The following CNTNAP2 variants were observed in gnomAD, a reference collection of about 807,000 sequenced individuals.
The protein encoded by CNTNAP2 is contactin-associated protein-like 2.
Under a neutral mutation model 155.2 loss-of-function variants are expected in CNTNAP2, and 98 were observed. The observed-to-expected ratio is 0.63, with a 90% confidence interval of 0.54 to 0.75. The LOEUF is 0.75. Ranked by LOEUF, CNTNAP2 falls within the 30% of genes least tolerant of loss-of-function variation. The probability of loss-of-function intolerance (pLI) is 0.00; values close to 1 mark genes in which losing one functional copy is unlikely to be tolerated. For missense variants in CNTNAP2, 1,727 were observed against 1,688.1 expected, an observed-to-expected ratio of 1.02 and a Z score of -0.40; for synonymous variants, 651 against 631.2, an observed-to-expected ratio of 1.03 and a Z score of -0.47.
At chr7:146,306,844 G>A (rs548299596) in intron 1 of CNTNAP2, among the ~76,000 whole-genome samples, 4 of 152,184 alleles carry the variant, frequency 2.6e-5, no homozygotes, top group African/African-American at 7.2e-5. Flanking sequence ...AATAATAAGA[G>A]CTATTTATGA....
intron 15 of CNTNAP2, among the ~76,000 whole-genome samples, chr7:148,098,971 A>G (rs1431003784): frequency 6.6e-6 from 1 of 152,228 alleles, no homozygotes; most frequent in Non-Finnish European, 1.5e-5. Flanking sequence ...TTTATTGGCC[A>G]TCTGTCCCCT....
intron 1 of CNTNAP2, among the ~76,000 whole-genome samples, chr7:146,378,156 T>C (rs1584896765): frequency 6.6e-6 from 1 of 152,190 alleles, no homozygotes; most frequent in East Asian, 1.9e-4. Context: ...AACAATGTTA[T>C]GGAGGGCAAT....
At chr7:146,305,554 T>C (rs1319411063) in intron 1 of CNTNAP2, among the ~76,000 whole-genome samples, 1 of 152,130 alleles carries the variant, frequency 6.6e-6, no homozygotes, top group Non-Finnish European at 1.5e-5. Context: ...CTCCATACCC[T>C]ATTTGCCTGG....
chr7:148,332,346 ATTC>A (rs1478167233), intron 21 of CNTNAP2, among the ~76,000 whole-genome samples: 1 of 152,116 alleles, frequency 6.6e-6, no homozygotes, highest in African/African-American at 2.4e-5. Flanking sequence ...TTCCTATTTT[ATTC>A]TTAGGATAAT....
At chr7:147,525,612 T>G (rs1331017273) in intron 11 of CNTNAP2, among the ~76,000 whole-genome samples, 1 of 152,210 alleles carries the variant, frequency 6.6e-6, no homozygotes, top group African/African-American at 2.4e-5. Flanking sequence ...TTGGATATCT[T>G]AAACCAAGTC....
intron 10 of CNTNAP2, among the ~76,000 whole-genome samples, chr7:147,443,012 A>G (rs1018821709): frequency 3.9e-5 from 6 of 152,234 alleles, no homozygotes; most frequent in Middle Eastern, 6.8e-3. Flanking sequence ...GCCACCCTGG[A>G]TAGCATCTCA....
intron 10 of CNTNAP2, among the ~76,000 whole-genome samples, chr7:147,433,956 T>C (rs890691529): frequency 2.0e-5 from 3 of 152,214 alleles, no homozygotes; most frequent in Non-Finnish European, 4.4e-5. Flanking sequence ...AAATAATACA[T>C]GCATTTTAAA....
intron 8 of CNTNAP2, among the ~76,000 whole-genome samples, chr7:147,243,829 TTTC>T (rs1324213886): frequency 6.6e-6 from 1 of 152,014 alleles, no homozygotes; most frequent in African/African-American, 2.4e-5. Context: ...ATGAACAAAG[TTTC>T]TTCTTTTTTT....
intron 1 of CNTNAP2, among the ~76,000 whole-genome samples, chr7:146,472,993 G>C (rs747757680): frequency 6.6e-6 from 1 of 150,722 alleles, no homozygotes; most frequent in Non-Finnish European, 1.5e-5. Flanking sequence ...AGAATTTGTA[G>C]ATGTTTAGAG....
rs114934336 is a variant in CNTNAP2, at chr7:148,186,842, C to T, written c.3010+14364C>T. 4.2e-3 allele frequency among the ~76,000 whole-genome samples: 647 copies of T among 152,284 alleles called. 13 individuals are homozygous for T. Among genetic ancestry groups the T allele is most frequent in the Admixed American group, 0.037 (570 of 15,302 alleles). The stretch of plus-strand genomic sequence containing the variant: ...CCCTTAAAACTAATATGCTGACACA[C>T]GGTCAGTGGTCCAATTTGCTATGGC... On this transcript the variant is annotated intron_variant, in intron 18 of 23. Transcript: ENST00000361727.
intron 3 of CNTNAP2, among the ~76,000 whole-genome samples, chr7:146,910,196 G>A (rs1254757679): frequency 7.3e-6 from 1 of 137,434 alleles, no homozygotes; most frequent in Non-Finnish European, 1.6e-5. Context: ...TCATGGGTAG[G>A]AAGAATCAAT....
At chr7:147,823,674 G>T (rs1379902647) in intron 13 of CNTNAP2, among the ~76,000 whole-genome samples, 1 of 151,578 alleles carries the variant, frequency 6.6e-6, no homozygotes, top group Non-Finnish European at 1.5e-5. Flanking sequence ...AAACACATTA[G>T]CAGTAACCTG....
chr7:146,616,345 AAG>A (rs1219159758), intron 1 of CNTNAP2, among the ~76,000 whole-genome samples: 1 of 152,166 alleles, frequency 6.6e-6, no homozygotes, highest in African/African-American at 2.4e-5. Flanking sequence ...AGCTCTTTGA[AAG>A]AGAGAGATGA....
At position 147,889,402 on chromosome 7, in the gene CNTNAP2, C is replaced by T. The variant is rs186291050; in HGVS notation, c.2099-14163C>T. On this transcript the variant is annotated intron_variant, in intron 13 of 23. Coordinates refer to ENST00000361727, the MANE Select transcript of CNTNAP2 (RefSeq NM_014141.6). The stretch of plus-strand genomic sequence containing the variant: ...CAAGAGATATTAAAAACATTAAGGA[C>T]ACCACAAAGTCTGAAAGAAAGATGA... Among the ~76,000 whole-genome samples, 297 of 151,910 alleles carry T rather than the reference C, an allele frequency of 2.0e-3. 3 individuals are homozygous for T. The South Asian group carries it at 0.03, about 15-fold the overall frequency.
chr7:147,925,309 CA>C (rs1800377233), intron 14 of CNTNAP2, among the ~76,000 whole-genome samples: 2 of 151,684 alleles, frequency 1.3e-5, no homozygotes, highest in South Asian at 2.1e-4. Context: ...CACACACACA[CA>C]CACACACACA....
At chr7:148,168,067 T>C (rs1229107623) in intron 17 of CNTNAP2, among the ~76,000 whole-genome samples, 5 of 152,064 alleles carry the variant, frequency 3.3e-5, no homozygotes, top group Admixed American at 1.3e-4. Context: ...AAACAACAGG[T>C]GCTGGAGAGG....
intron 1 of CNTNAP2, among the ~76,000 whole-genome samples, chr7:146,285,949 T>TTTCCTTCCTTCCTTCC (rs1344304459): frequency 3.0e-5 from 1 of 32,986 alleles, no homozygotes; most frequent in African/African-American, 1.8e-4. Flanking sequence ...CCCTCCCCCT[T>TTTCCTTCCTTCCTTCC]TTCCTTCCTT....
At chr7:146,294,941 A>G (rs539468095) in intron 1 of CNTNAP2, among the ~76,000 whole-genome samples, 33 of 152,282 alleles carry the variant, frequency 2.2e-4, no homozygotes, top group Admixed American at 5.2e-4. Flanking sequence ...TATGCTTTTT[A>G]TTTACTACTT....
intron 21 of CNTNAP2, among the ~76,000 whole-genome samples, chr7:148,288,944 CA>C (rs58641348): frequency 0.046 from 4,700 of 101,170 alleles, 53 homozygotes; most frequent in African/African-American, 0.07. Context: ...TCTTATTCAG[CA>C]AAAAAAAAAA....
Sources: gnomAD v4.1 joint callset for allele counts (sites outside exome capture counted in the v4.1 genomes callset) on GRCh38, gnomAD v4.1.1 for gene constraint, MANE v1.5 for transcripts, NCBI Gene and HGNC (gene_info 2026-07-23, HGNC 2026-07-21) for gene names.